The following NCAPG2 variants were observed in gnomAD, a reference collection of about 807,000 sequenced individuals.
NCAPG2 encodes non-SMC condensin II complex subunit G2.
Under a neutral mutation model 141.1 loss-of-function variants are expected in NCAPG2, and 53 were observed. That is an observed-to-expected ratio of 0.38 (90% CI 0.30 to 0.47). NCAPG2 has a LOEUF of 0.47. Ranked by LOEUF, NCAPG2 falls within the 20% of genes least tolerant of loss-of-function variation. NCAPG2 has a pLI of 0.99. For synonymous variants in NCAPG2, 499 were observed against 490.7 expected, an observed-to-expected ratio of 1.02 and a Z score of -0.22; for missense variants, 1,087 against 1,389.0, an observed-to-expected ratio of 0.78 and a Z score of 3.46.
intron 24 of NCAPG2, among the ~76,000 whole-genome samples, chr7:158,648,867 G>GCAAATGGACTACAACCACGC: frequency 3.5e-5 from 1 of 28,542 alleles, no homozygotes; most frequent in South Asian, 1.2e-3. Flanking sequence ...TACAACCACG[G>GCAAATGGACTACAACCACGC]CAAATGGACT....
At position 158,644,272 on chromosome 7, in the gene NCAPG2, G is replaced by A; in HGVS notation, c.3380+17C>T. ...GCAGTTTTAGATGATCACATCTGGT[G>A]AATATCTCTCCTTTACCTTTCAATG... On this transcript the variant is annotated intron_variant, in intron 27 of 27. Coordinates refer to ENST00000356309, the MANE Select transcript of NCAPG2 (RefSeq NM_017760.7). The A allele has an allele frequency of 6.4e-7, 1 of 1,573,712 alleles. No individual in the cohort carries two copies.
intron 24 of NCAPG2, 87 bp from the exon 25 acceptor site, chr7:158,646,650 T>C (rs907113188): frequency 4.3e-5 from 34 of 782,508 alleles, no homozygotes; most frequent in Non-Finnish European, 6.3e-5. Flanking sequence ...CTTCAACACC[T>C]AAGAAAAACT....
chr7:158,679,245 G>T (rs1834295087), intron 11 of NCAPG2, among the ~76,000 whole-genome samples: 1 of 152,180 alleles, frequency 6.6e-6, no homozygotes, highest in African/African-American at 2.4e-5. Context: ...AAGCACCACA[G>T]GCAACAGCAT....
At chr7:158,663,680 A>G (rs1832705745) in intron 15 of NCAPG2, among the ~76,000 whole-genome samples, 2 of 152,248 alleles carry the variant, frequency 1.3e-5, no homozygotes, top group Admixed American at 6.5e-5. Flanking sequence ...TGTAGTGGGC[A>G]TTGCAAAATG....
At chr7:158,666,977 G>T (rs1023486659) in intron 13 of NCAPG2, among the ~76,000 whole-genome samples, 1 of 152,106 alleles carries the variant, frequency 6.6e-6, no homozygotes, top group African/African-American at 2.4e-5. Flanking sequence ...CGCCAGGCCC[G>T]GCAGCCTGGC....
At chr7:158,667,412 C>G (rs1833125321) in intron 13 of NCAPG2, among the ~76,000 whole-genome samples, 3 of 72,208 alleles carry the variant, frequency 4.2e-5, no homozygotes, top group Admixed American at 1.2e-4. Flanking sequence ...GCCCTCCTTA[C>G]CCACTACTGG....
Position 158,692,966 on chromosome 7 carries a change from A to G in NCAPG2, c.268-10T>C. ...TTTCTATGCTTTTTCTCTATAAATG[A>G]AAAATCAAAGCATGAGTGAATTAAA... On this transcript the variant is annotated splice_polypyrimidine_tract_variant and intron_variant, in intron 3 of 27. Transcript: ENST00000356309. 1 of 1,480,684 alleles carries G rather than the reference A, an allele frequency of 6.8e-7. No individual in the cohort carries two copies. The highest frequency in any genetic ancestry group is 1.4e-5 in the African/African-American group (1 of 70,970). 91.7% of individuals were successfully genotyped at this position (1,480,684 alleles called of 1,614,324 possible). A position where few individuals can be genotyped will look rare whatever the true frequency, so the allele number is the denominator to read the frequency against.
Position 158,701,960 on chromosome 7 carries a change from C to T in NCAPG2, c.-39-22G>A, listed in dbSNP as rs572323595. ...AACCCTAATGGAAAACACAATCATACTGAAACACTTGCAAATATATCTTTT... is the reference window on the plus strand; with the variant it reads ...AACCCTAATGGAAAACACAATCATATTGAAACACTTGCAAATATATCTTTT... On this transcript the variant is annotated intron_variant, in intron 1 of 27. Coordinates refer to ENST00000356309, the MANE Select transcript of NCAPG2 (RefSeq NM_017760.7). 42 of 1,339,052 alleles carry T rather than the reference C, an allele frequency of 3.1e-5. No individual in the cohort carries two copies. In the South Asian group the frequency reaches 4.7e-4, roughly 15 times the overall value. The allele number at this position is 1,339,052 out of a possible 1,614,324, so 82.9% of individuals were successfully genotyped here.
intron 27 of NCAPG2, among the ~76,000 whole-genome samples, chr7:158,636,664 A>T (rs2129455793): frequency 6.6e-6 from 1 of 152,112 alleles, no homozygotes; most frequent in African/African-American, 2.4e-5. Flanking sequence ...AGCCTCCCAA[A>T]GTGCTGGGAT....
intron 13 of NCAPG2, chr7:158,665,445 A>C (rs1007336057): frequency 6.6e-6 from 1 of 152,294 alleles, no homozygotes; most frequent in Non-Finnish European, 1.5e-5. Context: ...AACATGACAA[A>C]GCAAAATTGA....
intron 6 of NCAPG2, 37 bp from the exon 7 acceptor site, chr7:158,687,479 C>A: frequency 6.9e-7 from 1 of 1,455,244 alleles, no homozygotes; most frequent in Non-Finnish European, 9.4e-7. Context: ...TACATTGCAA[C>A]CAAATAAAAA....
intron 4 of NCAPG2, among the ~76,000 whole-genome samples, chr7:158,692,422 C>T (rs893584137): frequency 1.3e-5 from 2 of 152,242 alleles, no homozygotes; most frequent in African/African-American, 4.8e-5. Flanking sequence ...CTTTATACAA[C>T]TTCTGCTACT....
rs1312298827 is a variant in NCAPG2, at chr7:158,675,670, G to T, written c.1147-14C>A. The stretch of plus-strand genomic sequence containing the variant: ...TTCTAAAAGGCTCTATAAGTAGGAG[G>T]GGAGAAAGGCTTAAAAACCTTGACT... On this transcript the variant is annotated splice_polypyrimidine_tract_variant and intron_variant, in intron 11 of 27. Coordinates refer to ENST00000356309, the MANE Select transcript of NCAPG2 (RefSeq NM_017760.7). 1.9e-6 allele frequency: 3 copies of T among 1,603,516 alleles called. No homozygotes were observed. Among genetic ancestry groups the T allele is most frequent in the Non-Finnish European group, 2.5e-6 (3 of 1,177,486 alleles).
rs755133919 is a variant in NCAPG2 at position 158,701,870 on chromosome 7, G to A, written c.30C>T (p.Ala10=). 3.8e-5 allele frequency: 61 copies of A among 1,613,388 alleles called. No individual in the cohort carries two copies. The highest frequency in any genetic ancestry group is 6.7e-5 in the East Asian group (3 of 44,864). MEKRETFVQ[A]VSKELVGEFL... ...ACTCTCCAACCAGCTCCTTAGACAC[G>A]GCTTGTACAAACGTCTCACGTTTTT... is the stretch of plus-strand genomic sequence containing the variant. Residue 10 remains alanine, a synonymous_variant, in exon 2 of 28, where the codon GCC becomes GCT. Transcript: ENST00000356309.
intron 17 of NCAPG2, among the ~76,000 whole-genome samples, chr7:158,657,666 T>G (rs547409381): frequency 9.5e-4 from 145 of 152,218 alleles, no homozygotes; most frequent in Non-Finnish European, 1.4e-3. Context: ...CAACAGCTCA[T>G]TGAGAACAAG....
chr7:158,692,959 A>G lies in NCAPG2; in HGVS notation c.268-3T>C. ...TAAATTATTTCTATGCTTTTTCTCTATAAATGAAAAATCAAAGCATGAGTG... is the reference window on the plus strand; with the variant it reads ...TAAATTATTTCTATGCTTTTTCTCTGTAAATGAAAAATCAAAGCATGAGTG... On this transcript the variant is annotated splice_polypyrimidine_tract_variant and splice_region_variant and intron_variant, in intron 3 of 27. Coordinates refer to ENST00000356309, the MANE Select transcript of NCAPG2 (RefSeq NM_017760.7). The G allele has an allele frequency of 6.7e-7, 1 of 1,500,484 alleles. No individual in the cohort carries two copies. The highest frequency in any genetic ancestry group is 9.1e-7 in the Non-Finnish European group (1 of 1,094,490). 92.9% of individuals were successfully genotyped at this position (1,500,484 alleles called of 1,614,324 possible). A position where few individuals can be genotyped will look rare whatever the true frequency, so the allele number is the denominator to read the frequency against.
chr7:158,686,392 T>C (rs1402885237), intron 7 of NCAPG2, 151 bp from the exon 8 acceptor site: 3 of 489,322 alleles, frequency 6.1e-6, no homozygotes, highest in African/African-American at 6.1e-5. Flanking sequence ...GTTATCTACC[T>C]GTAGCAAAAA....
At chr7:158,679,123 TG>T (rs1834288153) in intron 11 of NCAPG2, among the ~76,000 whole-genome samples, 1 of 152,252 alleles carries the variant, frequency 6.6e-6, no homozygotes. Flanking sequence ...CCCACAGCGC[TG>T]GGATTACAGG....
chr7:158,658,432 A>C lies in NCAPG2; in HGVS notation c.1990-24T>G, dbSNP rs762881369. On this transcript the variant is annotated intron_variant, in intron 16 of 27. Coordinates refer to ENST00000356309, the MANE Select transcript of NCAPG2 (RefSeq NM_017760.7). ...TCCTAAAAGCGAAAAAAGAAAAACA[A>C]AACAAAGCATATGTAAGCACTATAA... 15 of 1,586,572 alleles carry C rather than the reference A, an allele frequency of 9.5e-6. No homozygotes were observed. The South Asian group carries it at 1.7e-4, about 18-fold the overall frequency.
Sources: allele counts gnomAD v4.1 joint callset (sites outside exome capture counted in the v4.1 genomes callset), GRCh38; gene constraint gnomAD v4.1.1; transcripts MANE v1.5; gene names NCBI Gene and HGNC (gene_info 2026-07-23, HGNC 2026-07-21).